Variants in MPP2 observed in about 807,000 individuals in gnomAD.
MPP2 encodes the protein MAGUK p55 subfamily member 2.
Under a neutral mutation model 58.5 loss-of-function variants are expected in MPP2, and 42 were observed. The observed-to-expected ratio is 0.72, with a 90% confidence interval of 0.56 to 0.93. The LOEUF is 0.93. Ranked by LOEUF, MPP2 falls within the 40% of genes least tolerant of loss-of-function variation. The pLI, the probability that MPP2 is intolerant of heterozygous loss-of-function variation, is 0.00. For synonymous variants in MPP2, 300 were observed against 307.8 expected, an observed-to-expected ratio of 0.97 and a Z score of 0.26; for missense variants, 632 against 760.4, an observed-to-expected ratio of 0.83 and a Z score of 1.99.
At chr17:43,903,275 C>CAAAA in intron 2 of MPP2, among the ~76,000 whole-genome samples, 1 of 138,774 alleles carries the variant, frequency 7.2e-6, no homozygotes, top group East Asian at 2.1e-4. Context: ...GACTCCATCT[C>CAAAA]AAAAAAAAAA....
intron 3 of MPP2, among the ~76,000 whole-genome samples, chr17:43,888,950 G>A (rs1405125001): frequency 2.7e-5 from 4 of 150,622 alleles, no homozygotes; most frequent in South Asian, 2.1e-4. Context: ...TTTTTTAGAC[G>A]GAGTCTCACT....
At chr17:43,884,375 G>A (rs773741826) in intron 3 of MPP2, among the ~76,000 whole-genome samples, 2 of 151,696 alleles carry the variant, frequency 1.3e-5, no homozygotes, top group Non-Finnish European at 2.9e-5. Flanking sequence ...TTGTTGTTTT[G>A]TTTTTTTTGT....
At chr17:43,907,585 A>T (rs1229056334), upstream of MPP2, 7 of 985,320 alleles carry the variant, frequency 7.1e-6, no homozygotes, top group Non-Finnish European at 8.4e-6. Context: ...CCTCTCCGCG[A>T]GGGGGCGGAG....
upstream of MPP2, among the ~76,000 whole-genome samples, chr17:43,909,110 A>G (rs1381683742): frequency 1.3e-5 from 2 of 152,062 alleles, no homozygotes; most frequent in Non-Finnish European, 2.9e-5. Flanking sequence ...CTTGTTGCCC[A>G]GGCTGGGGTG....
intron 5 of MPP2, 50 bp from the exon 6 acceptor site, chr17:43,882,561 A>G: frequency 6.4e-7 from 1 of 1,553,932 alleles, no homozygotes; most frequent in East Asian, 2.3e-5. Flanking sequence ...TCCAAGTCAG[A>G]ATCTTCAAAT....
At chr17:43,894,206 C>CA (rs2047724179) in intron 3 of MPP2, among the ~76,000 whole-genome samples, 1 of 151,552 alleles carries the variant, frequency 6.6e-6, no homozygotes, top group South Asian at 2.1e-4. Flanking sequence ...ATTGCGAGGT[C>CA]AAGAGATCGA....
intron 3 of MPP2, among the ~76,000 whole-genome samples, chr17:43,889,000 C>T (rs1238216103): frequency 6.6e-6 from 1 of 151,976 alleles, no homozygotes; most frequent in Non-Finnish European, 1.5e-5. Context: ...AATCTTGGCT[C>T]ACTGCAACCT....
Position 43,879,809 on chromosome 17 carries a change from C to T in MPP2, c.1326G>A (p.Lys442=), listed in dbSNP as rs1166447551. 1 of 1,613,796 alleles carries T rather than the reference C, an allele frequency of 6.2e-7. No homozygotes were observed. The highest frequency in any genetic ancestry group is 1.1e-5 in the South Asian group (1 of 91,072). ...DSIRGVVAAG[K]VCVLDVNPQA... ...GGGGGTTGACATCCAGCACGCACAC[C>T]TTCCCAGCAGCGACCACGCCCCGGA... Residue 442 remains lysine (K), a synonymous_variant, in exon 11 of 13, where the codon AAG becomes AAA. Coordinates refer to ENST00000269095, the MANE Select transcript of MPP2 (RefSeq NM_005374.5). This position sits in a 1 kb window ranked among gnomAD's most constrained non-coding sequence, Gnocchi z 4.1.
Position 43,898,441 on chromosome 17 carries a change from ACAC to A in MPP2, c.32-64_32-62del, listed in dbSNP as rs1314629680. 7 of 1,144,688 alleles carry A rather than the reference ACAC, an allele frequency of 6.1e-6. No individual in the cohort carries two copies. In the East Asian group the frequency reaches 9.5e-5, roughly 16 times the overall value. 70.9% of individuals were successfully genotyped at this position (1,144,688 alleles called of 1,614,324 possible). A position where few individuals can be genotyped will look rare whatever the true frequency, so the allele number is the denominator to read the frequency against. On this transcript the variant is annotated intron_variant, in intron 2 of 12. Coordinates refer to ENST00000269095, the MANE Select transcript of MPP2 (RefSeq NM_005374.5). Reference sequence around the variant, plus strand: ...CCAGCTGGGTACAGAAGACCAAAACACACCACAATACTTGCCACTTCCCCACCC... The same window carrying A: ...CCAGCTGGGTACAGAAGACCAAAACACACAATACTTGCCACTTCCCCACCC...
chr17:43,893,624 G>A (rs1022479614), intron 3 of MPP2, among the ~76,000 whole-genome samples: 40 of 152,312 alleles, frequency 2.6e-4, no homozygotes, highest in East Asian at 3.9e-4. Context: ...CAGATCAGTG[G>A]TGGCATTAGA....
chr17:43,904,331 T>G, intron 2 of MPP2, 99 bp downstream of exon 2: 1 of 1,122,720 alleles, frequency 8.9e-7, no homozygotes, highest in Non-Finnish European at 1.3e-6. Context: ...GTGGAGCCAG[T>G]TGGTTCTTAT....
At chr17:43,884,131 G>T (rs1054509368) in intron 3 of MPP2, 18 of 702,708 alleles carry the variant, frequency 2.6e-5, no homozygotes, top group Non-Finnish European at 4.2e-5. Flanking sequence ...ACATTCTGCT[G>T]CATAAACCAC....
intron 3 of MPP2, among the ~76,000 whole-genome samples, chr17:43,892,886 C>G (rs2047666361): frequency 6.6e-6 from 1 of 152,186 alleles, no homozygotes; most frequent in African/African-American, 2.4e-5. Flanking sequence ...GAAAGGAAGA[C>G]AGACTTGGGC....
rs1470608271 is a variant in MPP2 at position 43,881,503 on chromosome 17, C to T, written c.768G>A (p.Gly256=). 2 of 1,614,140 alleles carry T rather than the reference C, an allele frequency of 1.2e-6. No individual in the cohort carries two copies. The highest frequency in any genetic ancestry group is 4.5e-5 in the East Asian group (2 of 44,880). The change falls in exon 7 of 13, where the codon GGG becomes GGA. Residue 256 remains glycine, a synonymous_variant. Transcript: ENST00000269095. ...CKEAGLRFNA[G]DLLQIVNQDD... ...CCTGGTTTACGATCTGGAGCAAGTC[C>T]CCGGCGTTGAAGCGCAGGCCTGCTT...
chr17:43,891,403 T>C (rs1472036292), intron 3 of MPP2, among the ~76,000 whole-genome samples: 1 of 151,660 alleles, frequency 6.6e-6, no homozygotes, highest in Non-Finnish European at 1.5e-5. Flanking sequence ...TAATCCCAGC[T>C]ACTCGGGAGG....
At chr17:43,886,635 C>A (rs961199488) in intron 3 of MPP2, among the ~76,000 whole-genome samples, 1 of 152,164 alleles carries the variant, frequency 6.6e-6, no homozygotes, top group Non-Finnish European at 1.5e-5. Flanking sequence ...ACGTAATTTT[C>A]TTAGATATTG....
At chr17:43,908,136 T>C (rs1012269903), upstream of MPP2, among the ~76,000 whole-genome samples, 2 of 152,202 alleles carry the variant, frequency 1.3e-5, no homozygotes, top group African/African-American at 4.8e-5. Flanking sequence ...GGAGGCCTGG[T>C]CCATTTTCCT....
upstream of MPP2, chr17:43,909,510 TATTA>T (rs759394939): frequency 1.5e-5 from 19 of 1,281,612 alleles, no homozygotes; most frequent in South Asian, 3.2e-4. Flanking sequence ...CTCTACAAGA[TATTA>T]ATTACTTCTT....
intron 3 of MPP2, among the ~76,000 whole-genome samples, chr17:43,886,785 T>C (rs989708055): frequency 3.9e-5 from 6 of 152,322 alleles, no homozygotes; most frequent in South Asian, 2.1e-4. Context: ...TGATCTCTCA[T>C]TGGGGCTTAC....
Sources: allele counts gnomAD v4.1 joint callset (sites outside exome capture counted in the v4.1 genomes callset), GRCh38; gene constraint gnomAD v4.1.1; non-coding constraint Gnocchi (gnomAD v3.1); transcripts MANE v1.5; gene names NCBI Gene and HGNC (gene_info 2026-07-23, HGNC 2026-07-21).